The following NTSR2 variants were observed in gnomAD, a reference collection of about 807,000 sequenced individuals.
The protein encoded by NTSR2 is neurotensin receptor 2.
A neutral mutation model predicts 24.1 loss-of-function variants in NTSR2; 22 were observed. The ratio of observed to expected loss-of-function variants is 0.91; its 90% CI spans 0.65 to 1.30. The LOEUF is 1.30. NTSR2 is among the 50% of genes most tolerant of loss of function. The probability of loss-of-function intolerance (pLI) is 0.00; values close to 1 mark genes in which losing one functional copy is unlikely to be tolerated. For missense variants in NTSR2, 570 were observed against 570.4 expected, an observed-to-expected ratio of 1.00 and a Z score of 0.01; for synonymous variants, 291 against 267.0, an observed-to-expected ratio of 1.09 and a Z score of -0.88.
At chr2:11,669,459 C>CGGGCGCGGGG in intron 1 of NTSR2, 47 bp downstream of exon 1, 1 of 337,896 alleles carries the variant, frequency 3.0e-6, no homozygotes, top group Non-Finnish European at 5.3e-6. Context: ...CTCCCAGCAC[C>CGGGCGCGGGG]GCCCCCCCAC....
intron 1 of NTSR2, among the ~76,000 whole-genome samples, chr2:11,668,380 G>T (rs1661249473): frequency 2.0e-5 from 3 of 152,140 alleles, no homozygotes; most frequent in African/African-American, 7.2e-5. Context: ...AGGCAGGCTG[G>T]GCTTCCATCT....
chr2:11,658,757 C>A (rs1428928981), intron 3 of NTSR2, 35 bp from the exon 4 acceptor site: 4 of 1,606,614 alleles, frequency 2.5e-6, no homozygotes, highest in Non-Finnish European at 3.4e-6. Context: ...GTTAGAGGAC[C>A]TGTCACCTCC....
At chr2:11,669,460 G>GGGGGGGGGGGGGGCCCCC in intron 1 of NTSR2, 46 bp downstream of exon 1, 21 of 254,720 alleles carry the variant, frequency 8.2e-5, no homozygotes, top group Non-Finnish European at 1.2e-4. Flanking sequence ...TCCCAGCACC[G>GGGGGGGGGGGGGGCCCCC]CCCCCCCACC....
chr2:11,669,583 C>T lies in NTSR2; in HGVS notation c.547G>A (p.Ala183Thr). 3 of 1,580,682 alleles carry T rather than the reference C, an allele frequency of 1.9e-6. No individual in the cohort carries two copies. Among genetic ancestry groups the T allele is most frequent in the Non-Finnish European group, 2.6e-6 (3 of 1,170,740 alleles). The stretch of plus-strand genomic sequence containing the variant: ...GAGGCGGGCTCCGGCTCCCCGTCCG[C>T]CGTCTCGAGTTCGTGCTTCTGCCCC... ...IMGQKHELET[A>T]DGEPEPASRV... The change falls in exon 1 of 4, where the codon GCG (alanine) becomes ACG (threonine). Residue 183 changes from alanine (A) to threonine (T), a missense_variant. Physicochemically the swap from Ala to Thr is moderately conservative, Grantham distance 58. Coordinates refer to ENST00000306928, the MANE Select transcript of NTSR2 (RefSeq NM_012344.4).
chr2:11,661,931 C>A, intron 2 of NTSR2, 36 bp downstream of exon 2: 1 of 1,496,486 alleles, frequency 6.7e-7, no homozygotes, highest in South Asian at 1.4e-5. Flanking sequence ...GAACTTAGGC[C>A]CCTTTCTTCT....
In NTSR2 at chr2:11,662,287, G is replaced by A. The variant is rs140206621; in HGVS notation, c.625-47C>T. On this transcript the variant is annotated intron_variant, in intron 1 of 3. Transcript: ENST00000306928. ...CTATGGGGCAGCGCCAGGGCCCTGCGGCCCTCGCCATCTGGCTGTGCCCCA... is the reference window on the plus strand; with the variant it reads ...CTATGGGGCAGCGCCAGGGCCCTGCAGCCCTCGCCATCTGGCTGTGCCCCA... The A allele has an allele frequency of 3.5e-3, 5,004 of 1,442,054 alleles. 14 individuals carry two copies. Among genetic ancestry groups the A allele is most frequent in the Non-Finnish European group, 4.1e-3 (4,523 of 1,093,008 alleles). The allele number at this position is 1,442,054 out of a possible 1,614,324, so 89.3% of individuals were successfully genotyped here. A position where few individuals can be genotyped will look rare whatever the true frequency, so the allele number is the denominator to read the frequency against.
chr2:11,669,460 G>GGGGCGGGGGGGGCCCC, intron 1 of NTSR2, 46 bp downstream of exon 1: 1 of 254,726 alleles, frequency 3.9e-6, no homozygotes, highest in Non-Finnish European at 6.9e-6. Flanking sequence ...TCCCAGCACC[G>GGGGCGGGGGGGGCCCC]CCCCCCCACC....
chr2:11,670,014 T>C lies in NTSR2; in HGVS notation c.116A>G (p.Tyr39Cys). 2.0e-6 allele frequency: 3 copies of C among 1,517,632 alleles called. No homozygotes were observed. The highest frequency in any genetic ancestry group is 1.2e-5 in the South Asian group (1 of 81,122). 94.0% of individuals were successfully genotyped at this position (1,517,632 alleles called of 1,614,324 possible). ...LWAKVLFTALYALIWALGAAG... is the reference protein window; with the variant it reads ...LWAKVLFTALCALIWALGAAG... ...CGCGCCCAGCGCCCAGATGAGTGCG[T>C]AGAGCGCGGTGAACAGCACCTTGGC... is the stretch of plus-strand genomic sequence containing the variant. Residue 39 changes from tyrosine to cysteine, a missense_variant, in exon 1 of 4, where the codon TAC (tyrosine) becomes TGC (cysteine). Transcript: ENST00000306928.
chr2:11,661,889 C>A, intron 2 of NTSR2, 78 bp downstream of exon 2: 1 of 1,381,650 alleles, frequency 7.2e-7, no homozygotes, highest in Non-Finnish European at 9.7e-7. Context: ...TTGCTGAGGT[C>A]ACCCGGCCAG....
chr2:11,667,734 C>T (rs1329799459), intron 1 of NTSR2, among the ~76,000 whole-genome samples: 1 of 152,228 alleles, frequency 6.6e-6, no homozygotes, highest in Non-Finnish European at 1.5e-5. Flanking sequence ...CTCCATCCTT[C>T]TCTCCCTCTC....
chr2:11,659,909 G>A (rs980787587), intron 3 of NTSR2, 134 bp downstream of exon 3: 12 of 640,814 alleles, frequency 1.9e-5, no homozygotes, highest in Admixed American at 5.2e-5. Flanking sequence ...CAGACTGCAC[G>A]GGACCAGGTG....
chr2:11,661,976 G>A lies in NTSR2; in HGVS notation c.889C>T (p.Gln297Ter). Residue 297 changes from glutamine to a stop codon, truncating the protein, a stop_gained, in exon 2 of 4, where the codon CAG becomes TAG. Transcript: ENST00000306928. LOFTEE classifies it high-confidence loss of function. ...TTACAGAGGACTTAACTGAGAACCT[G>A]GACGCTGCGCTGGAGGCTGCGGATC... is the stretch of plus-strand genomic sequence containing the variant. ...RRIRSLQRSV[Q>*]VLRAIVVMYV... 1 of 1,591,700 alleles carries A rather than the reference G, an allele frequency of 6.3e-7. No homozygotes were observed. The highest frequency in any genetic ancestry group is 8.6e-7 in the Non-Finnish European group (1 of 1,168,714).
chr2:11,669,460 G>GGGGGGGGGGGCCCCCC, intron 1 of NTSR2, 46 bp downstream of exon 1: 2 of 254,724 alleles, frequency 7.9e-6, no homozygotes, highest in East Asian at 5.5e-5. Flanking sequence ...TCCCAGCACC[G>GGGGGGGGGGGCCCCCC]CCCCCCCACC....
chr2:11,665,476 G>A (rs1298661923), intron 1 of NTSR2: 1 of 152,242 alleles, frequency 6.6e-6, no homozygotes, highest in African/African-American at 2.4e-5. Flanking sequence ...GACTCGGAAT[G>A]TTGCAGCTGC....
At chr2:11,669,422 T>A in intron 1 of NTSR2, 84 bp downstream of exon 1, 1 of 966,296 alleles carries the variant, frequency 1.0e-6, no homozygotes, top group Non-Finnish European at 1.4e-6. Context: ...CGAAAATGTC[T>A]GTTCCCCGGG....
Position 11,669,969 on chromosome 2 carries a change from G to C in NTSR2, c.161C>G (p.Ala54Gly). 6.6e-7 allele frequency: 1 copy of C among 1,515,990 alleles called. No homozygotes were observed. The highest frequency in any genetic ancestry group is 1.2e-5 in the South Asian group (1 of 80,634). The allele number at this position is 1,515,990 out of a possible 1,614,324, so 93.9% of individuals were successfully genotyped here. ...ALGAAGNALS[A>G]HVVLKARAGR... is the part of the protein sequence containing the mutation. ...GGCCCGCGCCTTCAGCACCACGTGC[G>C]CGGACAGCGCATTGCCCGCCGCGCC... Residue 54 changes from alanine (A) to glycine (G), a missense_variant, in exon 1 of 4, where the codon GCG becomes GGG. Coordinates refer to ENST00000306928, the MANE Select transcript of NTSR2 (RefSeq NM_012344.4).
chr2:11,661,821 T>C, intron 2 of NTSR2, 146 bp downstream of exon 2: 1 of 646,250 alleles, frequency 1.5e-6, no homozygotes, highest in South Asian at 2.9e-5. Flanking sequence ...AGGAAGTCTG[T>C]TGGTTATACA....
chr2:11,658,338 A>G lies in NTSR2; in HGVS notation c.*141T>C. On this transcript the variant is annotated 3_prime_UTR_variant, in exon 4 of 4. Transcript: ENST00000306928. Reference sequence around the variant, plus strand: ...GGGTCACGTGGCTTCCCTGCGCTTGATGGTTCTCAGCAGAGCAGGGGTTGA... The same window carrying G: ...GGGTCACGTGGCTTCCCTGCGCTTGGTGGTTCTCAGCAGAGCAGGGGTTGA... The G allele has an allele frequency of 8.2e-7, 1 of 1,217,722 alleles. No individual in the cohort carries two copies. The highest frequency in any genetic ancestry group is 1.1e-6 in the Non-Finnish European group (1 of 878,632). The allele number at this position is 1,217,722 out of a possible 1,614,324, so 75.4% of individuals were successfully genotyped here.
At chr2:11,662,341 C>T (rs1321343336) in intron 1 of NTSR2, 101 bp from the exon 2 acceptor site, 28 of 1,148,572 alleles carry the variant, frequency 2.4e-5, no homozygotes, top group Admixed American at 8.4e-5. Flanking sequence ...GCAGAAGGAG[C>T]GGCAGAAGGG....
Sources: gnomAD v4.1 joint callset for allele counts (sites outside exome capture counted in the v4.1 genomes callset) on GRCh38, gnomAD v4.1.1 for gene constraint, MANE v1.5 for transcripts, NCBI Gene and HGNC (gene_info 2026-07-23, HGNC 2026-07-21) for gene names.